TULP4: variants seen among roughly 807,000 people sequenced by gnomAD.
TULP4 encodes the protein tubby-related protein 4.
A neutral mutation model predicts 129.0 loss-of-function variants in TULP4; 16 were observed. The observed-to-expected ratio is 0.12, with a 90% CI of 0.08 to 0.19. The LOEUF (loss-of-function observed/expected upper bound fraction) is 0.19, where lower values mean the gene tolerates loss of function less well. TULP4 is among the 10% of genes least tolerant of loss of function. TULP4 has a pLI of 1.00. For synonymous variants in TULP4, 998 were observed against 854.0 expected, an observed-to-expected ratio of 1.17 and a Z score of -2.94; for missense variants, 1,842 against 2,059.1, an observed-to-expected ratio of 0.89 and a Z score of 2.04.
intron 1 of TULP4, among the ~76,000 whole-genome samples, chr6:158,294,643 A>G (rs1199284630): frequency 6.6e-6 from 1 of 152,138 alleles, no homozygotes; most frequent in East Asian, 1.9e-4. Flanking sequence ...TCAAATCATT[A>G]AACAGGAAAT....
In TULP4 at chr6:158,493,740, C is replaced by T. The variant is rs1780267220; in HGVS notation, c.1776+23C>T. ...CAGGTAGGAGCCCCCAGTTACCCTG[C>T]CTTGCTCCCCTCCTCCTGGGGGCTA... is the stretch of plus-strand genomic sequence containing the variant. On this transcript the variant is annotated intron_variant, in intron 10 of 13. Coordinates refer to ENST00000367097, the MANE Select transcript of TULP4 (RefSeq NM_020245.5). This position sits in a 1 kb window ranked among gnomAD's most constrained non-coding sequence, Gnocchi z 4.4. 3.9e-6 allele frequency: 6 copies of T among 1,520,534 alleles called. No individual in the cohort carries two copies. In the African/African-American group the frequency reaches 4.2e-5, roughly 11 times the overall value. 94.2% of individuals were successfully genotyped at this position (1,520,534 alleles called of 1,614,324 possible).
chr6:158,365,899 C>CTTTTTTTTTT (rs5881257), intron 1 of TULP4, among the ~76,000 whole-genome samples: 44 of 57,548 alleles, frequency 7.6e-4, no homozygotes, highest in African/African-American at 1.2e-3. Context: ...CTTTTTCTTT[C>CTTTTTTTTTT]TTTTTTTTTT....
In TULP4 at chr6:158,413,635, C is replaced by T. The variant is rs1269606921; in HGVS notation, c.381+442C>T. On this transcript the variant is annotated intron_variant, in intron 2 of 13. Coordinates refer to ENST00000367097, the MANE Select transcript of TULP4 (RefSeq NM_020245.5). The surrounding 1 kb of genome is among the most constrained non-coding windows in gnomAD (Gnocchi z 4.9). ...GGAAAGGGTGCTACAATCTCTTCCA[C>T]AGGCTTCAATCAGCACGGCCTCCTG... Among the ~76,000 whole-genome samples the T allele has an allele frequency of 6.6e-6, 1 of 152,230 alleles. No individual in the cohort carries two copies. The highest frequency in any genetic ancestry group is 1.5e-5 in the Non-Finnish European group (1 of 68,042).
rs897150634 is a variant in TULP4, at chr6:158,508,643, T to C, written c.*1949T>C. 6.6e-6 allele frequency: 1 copy of C among 152,602 alleles called. No homozygotes were observed. The highest frequency in any genetic ancestry group is 2.4e-5 in the African/African-American group (1 of 41,432). The allele number at this position is 152,602 out of a possible 1,614,324, so 9.5% of individuals were successfully genotyped here. A position where few individuals can be genotyped will look rare whatever the true frequency, so the allele number is the denominator to read the frequency against. ...GCTTGATATGGTGTTTCAGTGCTTA[T>C]TGGTTGTGCAATAATGGTTATAGCC... On this transcript the variant is annotated 3_prime_UTR_variant, in exon 14 of 14. Coordinates refer to ENST00000367097, the MANE Select transcript of TULP4 (RefSeq NM_020245.5).
rs373682381 is a variant in TULP4 at position 158,484,025 on chromosome 6, C to T, written c.1486+2736C>T. 2.4e-4 allele frequency among the ~76,000 whole-genome samples: 36 copies of T among 151,482 alleles called. No homozygotes were observed. The East Asian group carries it at 4.1e-3, about 17-fold the overall frequency. ...CCTTGAACTCCTAGGCTCAAGCAAC[C>T]CTCCCACTTCAGCCTCCAAGTAGCT... On this transcript the variant is annotated intron_variant, in intron 8 of 13. Coordinates refer to ENST00000367097, the MANE Select transcript of TULP4 (RefSeq NM_020245.5).
At chr6:158,392,985 TAAAA>T (rs57349259) in intron 1 of TULP4, among the ~76,000 whole-genome samples, 33 of 138,454 alleles carry the variant, frequency 2.4e-4, no homozygotes, top group Admixed American at 3.8e-4. Flanking sequence ...TGTCTGTATT[TAAAA>T]AAAAAAAAAA....
At position 158,502,706 on chromosome 6, in the gene TULP4, T is replaced by A; in HGVS notation, c.3043T>A (p.Ser1015Thr). The change falls in exon 13 of 14, where the codon TCC becomes ACC. Residue 1015 changes from serine (S) to threonine (T), a missense_variant. Ser to Thr is a moderately conservative substitution (Grantham distance 58, BLOSUM62 1). Coordinates refer to ENST00000367097, the MANE Select transcript of TULP4 (RefSeq NM_020245.5). ...GGCCCCCCTGCAGCCCCTGGCCAAG[T>A]CCAAGGGCGGGCCCGGGGGGGTGGT... is the stretch of plus-strand genomic sequence containing the variant. ...PRAPLQPLAK[S>T]KGGPGGVVTQ... 2 of 1,560,520 alleles carry A rather than the reference T, an allele frequency of 1.3e-6. No individual in the cohort carries two copies. Among genetic ancestry groups the A allele is most frequent in the Non-Finnish European group, 1.7e-6 (2 of 1,158,336 alleles).
chr6:158,333,641 A>G (rs980961850), intron 1 of TULP4, among the ~76,000 whole-genome samples: 1 of 152,190 alleles, frequency 6.6e-6, no homozygotes, highest in Non-Finnish European at 1.5e-5. Context: ...ATTTTCAATA[A>G]TATATTGGAA....
rs572676887 is a variant in TULP4, at chr6:158,347,468, CT to C, written c.252+33204del. Among the ~76,000 whole-genome samples, 841 of 152,328 alleles carry C rather than the reference CT, an allele frequency of 5.5e-3. 7 individuals are homozygous for C. The highest frequency in any genetic ancestry group is 0.019 in the African/African-American group (772 of 41,570). The stretch of plus-strand genomic sequence containing the variant: ...TACCAGGCTTCTCTTCTGGACTTTT[CT>C]TTTAGTCCACATAACGGCCAAAATA... On this transcript the variant is annotated intron_variant, in intron 1 of 13. Coordinates refer to ENST00000367097, the MANE Select transcript of TULP4 (RefSeq NM_020245.5).
intron 1 of TULP4, chr6:158,242,443 A>G: frequency 9.6e-7 from 1 of 1,043,344 alleles, no homozygotes; most frequent in South Asian, 1.3e-5. Flanking sequence ...GCCACTAAGC[A>G]TTCATCATAG....
intron 1 of TULP4, among the ~76,000 whole-genome samples, chr6:158,325,584 C>G (rs938583013): frequency 1.3e-5 from 2 of 152,112 alleles, no homozygotes; most frequent in African/African-American, 4.8e-5. Flanking sequence ...AATCTCCTGA[C>G]CTCGTGATCC....
intron 3 of TULP4, among the ~76,000 whole-genome samples, chr6:158,430,210 T>TA (rs1778596913): frequency 6.6e-6 from 1 of 151,984 alleles, no homozygotes; most frequent in African/African-American, 2.4e-5. Flanking sequence ...ATACTAAGCT[T>TA]AAAAAAAATC....
chr6:158,364,891 A>G (rs531493088), intron 1 of TULP4, among the ~76,000 whole-genome samples: 26 of 152,084 alleles, frequency 1.7e-4, no homozygotes, highest in Admixed American at 1.6e-3. Flanking sequence ...GCCCGCCACC[A>G]CGCCTGGCTA....
intron 8 of TULP4, among the ~76,000 whole-genome samples, chr6:158,483,228 G>A (rs184086049): frequency 6.6e-6 from 1 of 152,284 alleles, no homozygotes; most frequent in Non-Finnish European, 1.5e-5. Context: ...TAGAGGATAT[G>A]TCACAAGGCA....
Position 158,502,534 on chromosome 6 carries a change from C to T in TULP4, c.2871C>T (p.Asp957=), listed in dbSNP as rs1582884962. The change falls in exon 13 of 14, where the codon GAC becomes GAT. Residue 957 remains aspartate (D), a synonymous_variant. Coordinates refer to ENST00000367097, the MANE Select transcript of TULP4 (RefSeq NM_020245.5). The part of the protein sequence containing the change: ...TVPRYSIPTG[D]PPPYPEIASQ... ...CTCGCTACTCCATCCCCACCGGGGA[C>T]CCACCCCCGTATCCTGAAATTGCCA... The T allele has an allele frequency of 2.5e-6, 4 of 1,610,462 alleles. No homozygotes were observed. The highest frequency in any genetic ancestry group is 4.5e-5 in the East Asian group (2 of 44,852).
rs1008865426 is a variant in TULP4, at chr6:158,413,798, G to T, written c.381+605G>T. Among the ~76,000 whole-genome samples, 1 of 152,210 alleles carries T rather than the reference G, an allele frequency of 6.6e-6. No homozygotes were observed. The highest frequency in any genetic ancestry group is 1.5e-5 in the Non-Finnish European group (1 of 68,048). ...GTTCTGGTTTACAGGACGGCTTCATGGTGCACCTTTTGTATGGGTTTAAGG... is the reference window on the plus strand; with the variant it reads ...GTTCTGGTTTACAGGACGGCTTCATTGTGCACCTTTTGTATGGGTTTAAGG... On this transcript the variant is annotated intron_variant, in intron 2 of 13. Transcript: ENST00000367097. This position sits in a 1 kb window ranked among gnomAD's most constrained non-coding sequence, Gnocchi z 4.9.
intron 1 of TULP4, among the ~76,000 whole-genome samples, chr6:158,232,814 C>T (rs752532103): frequency 2.6e-5 from 4 of 152,226 alleles, no homozygotes; most frequent in Non-Finnish European, 5.9e-5. Flanking sequence ...TCTCCCCAGC[C>T]CGCCTGCCCC....
intron 1 of TULP4, among the ~76,000 whole-genome samples, chr6:158,378,978 T>G (rs1475070265): frequency 6.6e-6 from 1 of 152,124 alleles, no homozygotes; most frequent in Admixed American, 6.5e-5. Flanking sequence ...TGATGCCACT[T>G]TAGAGCAAGA....
intron 11 of TULP4, among the ~76,000 whole-genome samples, chr6:158,497,344 G>A (rs974118526): frequency 2.0e-5 from 3 of 152,184 alleles, no homozygotes; most frequent in African/African-American, 7.2e-5. Flanking sequence ...TAAAAAGTGA[G>A]TGCTGTTCCC....
Sources: gnomAD v4.1 joint callset for allele counts (sites outside exome capture counted in the v4.1 genomes callset) on GRCh38, gnomAD v4.1.1 for gene constraint, Gnocchi (gnomAD v3.1) non-coding constraint, MANE v1.5 for transcripts, NCBI Gene and HGNC (gene_info 2026-07-23, HGNC 2026-07-21) for gene names.